Variants in TANC1 observed in about 807,000 individuals in gnomAD.
The protein encoded by TANC1 is tetratricopeptide repeat, ankyrin repeat and coiled-coil containing 1, also known as protein TANC1.
TANC1 carries 77 observed loss-of-function variants against 149.7 expected under a neutral mutation model. The ratio of observed to expected loss-of-function variants is 0.51; its 90% CI spans 0.43 to 0.62. The LOEUF (loss-of-function observed/expected upper bound fraction) is 0.62. TANC1 is among the 20% of genes least tolerant of loss of function. The pLI, the probability that TANC1 is intolerant of heterozygous loss-of-function variation, is 0.00. For missense variants in TANC1, 1,985 were observed against 2,321.8 expected, an observed-to-expected ratio of 0.85 and a Z score of 2.98; for synonymous variants, 854 against 925.0, an observed-to-expected ratio of 0.92 and a Z score of 1.39.
intron 24 of TANC1, chr2:159,227,500 C>T (rs1559496766): frequency 7.1e-6 from 2 of 282,538 alleles, no homozygotes; most frequent in East Asian, 8.7e-5. Flanking sequence ...AAATAATTTT[C>T]AAAAATACAT....
intron 19 of TANC1, among the ~76,000 whole-genome samples, chr2:159,201,175 T>C (rs1290506272): frequency 6.6e-6 from 1 of 152,204 alleles, no homozygotes; most frequent in Admixed American, 6.5e-5. Context: ...ACCACTATCG[T>C]CTACTGCCCC....
intron 2 of TANC1, among the ~76,000 whole-genome samples, chr2:159,010,698 T>C (rs2149374425): frequency 6.6e-6 from 1 of 151,842 alleles, no homozygotes; most frequent in South Asian, 2.1e-4. Flanking sequence ...TTCAGAACTA[T>C]GTGCTTATAG....
At chr2:159,077,537 A>C (rs183635134) in intron 3 of TANC1, among the ~76,000 whole-genome samples, 27 of 152,358 alleles carry the variant, frequency 1.8e-4, no homozygotes, top group African/African-American at 6.5e-4. Flanking sequence ...ATATGGACAC[A>C]CATCAATACA....
intron 1 of TANC1, among the ~76,000 whole-genome samples, chr2:158,991,912 C>T (rs562865077): frequency 6.6e-6 from 1 of 152,256 alleles, no homozygotes; most frequent in Admixed American, 6.5e-5. Context: ...TAACAGCATT[C>T]ATTCATGGGG....
At chr2:159,164,909 T>C (rs2150415466) in intron 8 of TANC1, among the ~76,000 whole-genome samples, 1 of 152,284 alleles carries the variant, frequency 6.6e-6, no homozygotes, top group South Asian at 2.1e-4. Flanking sequence ...CTAGAGAACA[T>C]TATACGAGTT....
At chr2:159,076,190 A>G (rs537985046) in intron 3 of TANC1, among the ~76,000 whole-genome samples, 1 of 152,124 alleles carries the variant, frequency 6.6e-6, no homozygotes, top group South Asian at 2.1e-4. Context: ...CCTTTTCCTA[A>G]TCTGGCTGTT....
intron 2 of TANC1, among the ~76,000 whole-genome samples, chr2:159,048,910 C>T (rs2041267296): frequency 6.6e-6 from 1 of 152,184 alleles, no homozygotes; most frequent in Non-Finnish European, 1.5e-5. Context: ...GGATTACAGG[C>T]ATGAGCCACC....
At chr2:159,180,425 G>A (rs535090394) in intron 14 of TANC1, among the ~76,000 whole-genome samples, 5 of 152,304 alleles carry the variant, frequency 3.3e-5, no homozygotes, top group African/African-American at 9.6e-5. Flanking sequence ...TGGGTTGGAG[G>A]CTAAAGTGGC....
chr2:159,076,791 G>T (rs115184852), intron 3 of TANC1, among the ~76,000 whole-genome samples: 2 of 152,258 alleles, frequency 1.3e-5, no homozygotes, highest in South Asian at 4.1e-4. Context: ...GCTAGTTAAA[G>T]CAAAGATGGA....
intron 4 of TANC1, among the ~76,000 whole-genome samples, chr2:159,130,172 A>G (rs1370091488): frequency 6.6e-6 from 1 of 152,066 alleles, no homozygotes; most frequent in African/African-American, 2.4e-5. Flanking sequence ...GTTTTTATCC[A>G]CAGACAAGTC....
rs1341253423 is a variant in TANC1 at position 159,001,409 on chromosome 2, T to C, written c.-16+220T>C. 1.3e-5 allele frequency among the ~76,000 whole-genome samples: 2 copies of C among 152,088 alleles called. No individual in the cohort carries two copies. The highest frequency in any genetic ancestry group is 2.9e-5 in the Non-Finnish European group (2 of 67,992). On this transcript the variant is annotated intron_variant, in intron 2 of 26. Coordinates refer to ENST00000263635, the MANE Select transcript of TANC1 (RefSeq NM_033394.3). This position sits in a 1 kb window ranked among gnomAD's most constrained non-coding sequence, Gnocchi z 4.3. ...GTGTTTAATGAGTACAGAGTTTCAG[T>C]TGGGGAAGACAAAAAACTTGTATAG...
intron 1 of TANC1, among the ~76,000 whole-genome samples, chr2:158,984,554 T>C (rs2034792007): frequency 6.6e-6 from 1 of 152,166 alleles, no homozygotes; most frequent in Admixed American, 6.5e-5. Flanking sequence ...TTCCAAAAAA[T>C]GTTTCTTGAG....
chr2:159,172,714 C>T (rs2055391092), intron 11 of TANC1, among the ~76,000 whole-genome samples: 1 of 152,226 alleles, frequency 6.6e-6, no homozygotes, highest in African/African-American at 2.4e-5. Flanking sequence ...CCTTCCTTGG[C>T]TAACTTTCCC....
intron 19 of TANC1, among the ~76,000 whole-genome samples, chr2:159,212,118 T>C (rs893525355): frequency 2.0e-5 from 3 of 152,232 alleles, no homozygotes; most frequent in Non-Finnish European, 4.4e-5. Context: ...CCGTTTATAA[T>C]GTAGATGAAG....
At chr2:159,176,906 G>GCTTTT (rs2055915733) in intron 13 of TANC1, among the ~76,000 whole-genome samples, 1 of 28,036 alleles carries the variant, frequency 3.6e-5, no homozygotes, top group Non-Finnish European at 6.5e-5. Flanking sequence ...GAAGGTGAAA[G>GCTTTT]ATTTTTTTTT....
intron 10 of TANC1, among the ~76,000 whole-genome samples, 170 bp from the exon 11 acceptor site, chr2:159,171,951 G>T (rs1185683760): frequency 1.3e-5 from 2 of 152,086 alleles, no homozygotes; most frequent in East Asian, 3.8e-4. Context: ...AGGGGAACCA[G>T]TTGGGTGGCA....
intron 3 of TANC1, among the ~76,000 whole-genome samples, chr2:159,066,270 G>T (rs1288601535): frequency 6.6e-6 from 1 of 151,898 alleles, no homozygotes; most frequent in Non-Finnish European, 1.5e-5. Flanking sequence ...AAAATTATCC[G>T]GGTATGGTGG....
In TANC1 at chr2:158,997,295, A is replaced by G. The variant is rs529352142; in HGVS notation, c.-125-3785A>G. On this transcript the variant is annotated intron_variant, in intron 1 of 26. Transcript: ENST00000263635. ...GCCAAGTTTCCCACAGCTGGAGAGG[A>G]AAGTCAAAGGTATGCAAGGAAGGAA... is the stretch of plus-strand genomic sequence containing the variant. Among the ~76,000 whole-genome samples the G allele has an allele frequency of 1.6e-4, 24 of 152,318 alleles. 1 individual carries two copies. In the South Asian group the frequency reaches 4.1e-3, roughly 26 times the overall value.
chr2:158,990,951 C>T (rs1461985492), intron 1 of TANC1, among the ~76,000 whole-genome samples: 2 of 151,518 alleles, frequency 1.3e-5, no homozygotes, highest in Non-Finnish European at 2.9e-5. Flanking sequence ...CGGGCGGCTC[C>T]AGTCCCAGCT....
Sources: allele counts gnomAD v4.1 joint callset (sites outside exome capture counted in the v4.1 genomes callset), GRCh38; gene constraint gnomAD v4.1.1; non-coding constraint Gnocchi (gnomAD v3.1); transcripts MANE v1.5; gene names NCBI Gene and HGNC (gene_info 2026-07-23, HGNC 2026-07-21).